The following ZNF609 variants were observed in gnomAD, a reference collection of about 807,000 sequenced individuals.
ZNF609 encodes the protein zinc finger protein 609.
In ZNF609, 11 loss-of-function variants were observed where a neutral mutation model predicts 109.5. The observed-to-expected ratio is 0.10, with a 90% CI of 0.06 to 0.17. The LOEUF (loss-of-function observed/expected upper bound fraction) is 0.17, where lower values mean the gene tolerates loss of function less well. ZNF609 is among the 10% of genes least tolerant of loss of function. The pLI is 1.00. For missense variants in ZNF609, 1,559 were observed against 1,772.4 expected (o/e 0.88, Z 2.16); for synonymous variants, 646 against 662.0 (o/e 0.98, Z 0.37).
At chr15:64,649,496 A>G (rs1450279025) in intron 3 of ZNF609, among the ~76,000 whole-genome samples, 2 of 152,206 alleles carry the variant, frequency 1.3e-5, no homozygotes, top group Non-Finnish European at 2.9e-5. Flanking sequence ...TATCTTTGGA[A>G]GGAAAGGTAA....
intron 2 of ZNF609, among the ~76,000 whole-genome samples, chr15:64,507,510 T>C (rs771263680): frequency 6.6e-6 from 1 of 152,216 alleles, no homozygotes; most frequent in Non-Finnish European, 1.5e-5. Context: ...GAAATTACAC[T>C]GTTCATTTCC....
intron 2 of ZNF609, chr15:64,502,762 A>G (rs1893579385): frequency 6.6e-6 from 1 of 152,176 alleles, no homozygotes; most frequent in African/African-American, 2.4e-5. Flanking sequence ...GCCAATGAGG[A>G]AGATTTGAAT....
At chr15:64,583,359 AAAATT>A (rs1451120051) in intron 2 of ZNF609, among the ~76,000 whole-genome samples, 5 of 151,958 alleles carry the variant, frequency 3.3e-5, no homozygotes, top group African/African-American at 4.8e-5. Context: ...ATAAAAAATA[AAAATT>A]AAATTAAATT....
At chr15:64,550,542 T>C (rs186779623) in intron 2 of ZNF609, among the ~76,000 whole-genome samples, 57 of 143,972 alleles carry the variant, frequency 4.0e-4, no homozygotes, top group Non-Finnish European at 7.0e-4. Context: ...AATAAATAAT[T>C]AAAAAAAAAA....
chr15:64,623,115 GA>G, intron 3 of ZNF609, 63 bp downstream of exon 3: 1 of 1,513,842 alleles, frequency 6.6e-7, no homozygotes. Flanking sequence ...AGCCACCAGG[GA>G]CTTATTGTTG....
chr15:64,468,766 A>G (rs1255578871), intron 1 of ZNF609, among the ~76,000 whole-genome samples: 1 of 152,194 alleles, frequency 6.6e-6, no homozygotes, highest in Admixed American at 6.5e-5. Context: ...ATTGAGAGTC[A>G]TAAAACCCAG....
intron 2 of ZNF609, among the ~76,000 whole-genome samples, chr15:64,512,720 G>A (rs945129552): frequency 6.6e-6 from 1 of 152,010 alleles, no homozygotes; most frequent in Non-Finnish European, 1.5e-5. Context: ...GGGGTATAAA[G>A]TATTTCCTTG....
rs1344208040 is a variant in ZNF609 at position 64,606,385 on chromosome 15, C to G, written c.748-16442C>G. 5.3e-5 allele frequency among the ~76,000 whole-genome samples: 8 copies of G among 151,220 alleles called. No individual in the cohort carries two copies. The East Asian group carries it at 1.6e-3, about 30-fold the overall frequency. On this transcript the variant is annotated intron_variant, in intron 2 of 9. Transcript: ENST00000326648. ...ATCATTTTGGCCAACATGGTGAAAC[C>G]CCGTCTCTACTAAAAATACAAAAAT...
intron 3 of ZNF609, among the ~76,000 whole-genome samples, chr15:64,652,517 GC>G (rs768607041): frequency 2.6e-5 from 4 of 151,452 alleles, no homozygotes; most frequent in Non-Finnish European, 4.4e-5. Context: ...CTTCCAAGTA[GC>G]TGGGACTACA....
At chr15:64,485,227 GA>G (rs553131403) in intron 1 of ZNF609, among the ~76,000 whole-genome samples, 46 of 148,642 alleles carry the variant, frequency 3.1e-4, no homozygotes, top group Admixed American at 9.4e-4. Context: ...TACATGCAAA[GA>G]AAAAAAAAAT....
chr15:64,605,543 G>A (rs901017346), intron 2 of ZNF609, among the ~76,000 whole-genome samples: 4 of 152,106 alleles, frequency 2.6e-5, no homozygotes, highest in African/African-American at 9.7e-5. Flanking sequence ...AACTTTTACT[G>A]TATATAGCTA....
Position 64,674,233 on chromosome 15 carries a change from G to T in ZNF609, c.1379G>T (p.Ser460Ile), listed in dbSNP as rs1567044721. The T allele has an allele frequency of 6.2e-7, 1 of 1,614,116 alleles. No individual in the cohort carries two copies. Among genetic ancestry groups the T allele is most frequent in the Non-Finnish European group, 8.5e-7 (1 of 1,180,048 alleles). ...LNSSSEDSKG[S>I]KRVRTNSMGS... is the part of the protein sequence containing the mutation. ...TCTAGCTCAGAGGACTCCAAAGGGA[G>T]CAAGCGTGTCCGTACTAATTCCATG... Residue 460 changes from serine (S) to isoleucine (I), a missense_variant, in exon 5 of 10, where the codon AGC becomes ATC. Ser to Ile is a moderately radical substitution (Grantham distance 142). Coordinates refer to ENST00000326648, the MANE Select transcript of ZNF609 (RefSeq NM_015042.2).
chr15:64,473,879 A>G (rs992435269), intron 1 of ZNF609, among the ~76,000 whole-genome samples: 2 of 152,024 alleles, frequency 1.3e-5, no homozygotes, highest in African/African-American at 2.4e-5. Flanking sequence ...GGTTCAAGCA[A>G]TTCTCCTGCC....
intron 2 of ZNF609, among the ~76,000 whole-genome samples, chr15:64,530,686 C>T (rs1315632662): frequency 6.6e-6 from 1 of 152,150 alleles, no homozygotes; most frequent in Non-Finnish European, 1.5e-5. Flanking sequence ...TAACAATAAA[C>T]AGTTGTTGAG....
chr15:64,461,871 G>GTTAATT (rs1892946040), intron 1 of ZNF609, among the ~76,000 whole-genome samples: 3 of 152,184 alleles, frequency 2.0e-5, no homozygotes, highest in Admixed American at 1.3e-4. Context: ...GCAGCCTTGA[G>GTTAATT]TTAATTTCAC....
rs1218792210 is a variant in ZNF609 at position 64,676,185 on chromosome 15, G to A, written c.3331G>A (p.Ala1111Thr). ...LSDASHLSKE[A>T]SEAKTGAECG... ...TGATGCCAGCCACCTAAGCAAGGAG[G>A]CCTCTGAGGCCAAGACAGGTGCTGA... Residue 1111 changes from alanine to threonine, a missense_variant, in exon 5 of 10, where the codon GCC (alanine) becomes ACC (threonine). Transcript: ENST00000326648. 1 of 1,614,088 alleles carries A rather than the reference G, an allele frequency of 6.2e-7. No individual in the cohort carries two copies. The highest frequency in any genetic ancestry group is 1.3e-5 in the African/African-American group (1 of 74,928).
chr15:64,544,784 A>C (rs774164247), intron 2 of ZNF609, among the ~76,000 whole-genome samples: 7 of 152,176 alleles, frequency 4.6e-5, no homozygotes, highest in Admixed American at 6.5e-5. Context: ...TCTAGCATGA[A>C]AGCCATGAGC....
chr15:64,648,429 T>G (rs1423863712), intron 3 of ZNF609, among the ~76,000 whole-genome samples: 1 of 152,100 alleles, frequency 6.6e-6, no homozygotes, highest in Non-Finnish European at 1.5e-5. Context: ...AAGTTTGAGG[T>G]TGCAGTGAGT....
chr15:64,475,128 T>G (rs1391004829), intron 1 of ZNF609, among the ~76,000 whole-genome samples: 1 of 140,834 alleles, frequency 7.1e-6, no homozygotes. Context: ...TTTACAGCTA[T>G]TCCTCTAAGT....
Sources: allele counts gnomAD v4.1 joint callset (sites outside exome capture counted in the v4.1 genomes callset), GRCh38; gene constraint gnomAD v4.1.1; transcripts MANE v1.5; gene names NCBI Gene and HGNC (gene_info 2026-07-23, HGNC 2026-07-21).